Variants in PLXNA2 observed in about 807,000 individuals in gnomAD.
PLXNA2 encodes plexin A2, also known as plexin-A2.
Under a neutral mutation model 193.5 loss-of-function variants are expected in PLXNA2, and 91 were observed. The observed-to-expected ratio is 0.47, with a 90% CI of 0.40 to 0.56. PLXNA2 has a LOEUF of 0.56. PLXNA2 is among the 20% of genes least tolerant of loss of function. PLXNA2 has a pLI of 0.00. For synonymous variants in PLXNA2, 997 were observed against 1,027.3 expected, an observed-to-expected ratio of 0.97 and a Z score of 0.56; for missense variants, 1,995 against 2,503.2, an observed-to-expected ratio of 0.80 and a Z score of 4.33.
chr1:208,107,904 T>G (rs1667326254), intron 4 of PLXNA2, among the ~76,000 whole-genome samples: 1 of 152,084 alleles, frequency 6.6e-6, no homozygotes, highest in African/African-American at 2.4e-5. Context: ...GATTCCACCC[T>G]CATGCTTGAC....
intron 3 of PLXNA2, among the ~76,000 whole-genome samples, chr1:208,209,249 G>T (rs1670845054): frequency 6.6e-6 from 1 of 152,112 alleles, no homozygotes; most frequent in South Asian, 2.1e-4. Flanking sequence ...CAGTAATTCA[G>T]AACAAGCAGA....
chr1:208,180,755 T>C (rs534499627), intron 3 of PLXNA2, among the ~76,000 whole-genome samples: 31 of 152,322 alleles, frequency 2.0e-4, no homozygotes, highest in Middle Eastern at 3.4e-3. Context: ...TCTGAAGTTG[T>C]TGCCCCTCAT....
chr1:208,184,674 G>A (rs753451241), intron 3 of PLXNA2, among the ~76,000 whole-genome samples: 2 of 152,084 alleles, frequency 1.3e-5, no homozygotes, highest in South Asian at 2.1e-4. Context: ...AAAGCCTCCC[G>A]CCCAGCTCAC....
intron 3 of PLXNA2, among the ~76,000 whole-genome samples, chr1:208,151,741 A>G (rs761749544): frequency 2.0e-5 from 3 of 152,254 alleles, no homozygotes; most frequent in Non-Finnish European, 4.4e-5. Flanking sequence ...AGAAAAAGAC[A>G]TGTTAAGTGT....
rs56051287 is a variant in PLXNA2, at chr1:208,152,683, GCACACA to G, written c.1372-10226_1372-10221del. Among the ~76,000 whole-genome samples, 969 of 140,326 alleles carry G rather than the reference GCACACA, an allele frequency of 6.9e-3. 7 individuals are homozygous for G. The highest frequency in any genetic ancestry group is 0.016 in the African/African-American group (573 of 36,860). The allele number at this position is 140,326 out of a possible 152,430, so 92.1% of individuals were successfully genotyped here. ...TGCATACACATACACACACACACAC[GCACACA>G]CACACACACACACACACACACACAC... On this transcript the variant is annotated intron_variant, in intron 3 of 31. Coordinates refer to ENST00000367033, the MANE Select transcript of PLXNA2 (RefSeq NM_025179.4).
chr1:208,139,897 A>G (rs1668412662), intron 4 of PLXNA2, among the ~76,000 whole-genome samples: 1 of 152,146 alleles, frequency 6.6e-6, no homozygotes, highest in Admixed American at 6.5e-5. Flanking sequence ...ACCTATTTCT[A>G]CACAATTTAC....
Position 208,196,848 on chromosome 1 carries a change from G to A in PLXNA2, c.1371+13432C>T, listed in dbSNP as rs567817379. Among the ~76,000 whole-genome samples, 4 of 152,284 alleles carry A rather than the reference G, an allele frequency of 2.6e-5. No homozygotes were observed. In the East Asian group the frequency reaches 7.7e-4, roughly 29 times the overall value. On this transcript the variant is annotated intron_variant, in intron 3 of 31. Transcript: ENST00000367033. Reference sequence around the variant, plus strand: ...GGTATTCAGAAGAATGGGTGGCAAGGGCGGGGGTAGATGTTGGAAAAGAAA... The same window carrying A: ...GGTATTCAGAAGAATGGGTGGCAAGAGCGGGGGTAGATGTTGGAAAAGAAA...
chr1:208,222,795 G>A, intron 1 of PLXNA2, among the ~76,000 whole-genome samples: 1 of 152,126 alleles, frequency 6.6e-6, no homozygotes, highest in East Asian at 1.9e-4. Flanking sequence ...AGAGAATTTA[G>A]ATTTGAAATA....
At chr1:208,095,977 G>T in intron 8 of PLXNA2, 52 bp downstream of exon 8, 1 of 1,374,238 alleles carries the variant, frequency 7.3e-7, no homozygotes, top group Non-Finnish European at 1.0e-6. Flanking sequence ...GGGGAAGAAA[G>T]CCCATACCCA....
rs1664254282 is a variant in PLXNA2, at chr1:208,023,691, G to A, written c.*3552C>T. 1 of 152,346 alleles carries A rather than the reference G, an allele frequency of 6.6e-6. No individual in the cohort carries two copies. The allele number at this position is 152,346 out of a possible 1,614,324, so 9.4% of individuals were successfully genotyped here. A position where few individuals can be genotyped will look rare whatever the true frequency, so the allele number is the denominator to read the frequency against. ...ACAAAACTGGTACCCTGTGCCACTAGGGGAGGAGAACTGTTGCCTGCTAAG... is the reference window on the plus strand; with the variant it reads ...ACAAAACTGGTACCCTGTGCCACTAAGGGAGGAGAACTGTTGCCTGCTAAG... On this transcript the variant is annotated 3_prime_UTR_variant, in exon 32 of 32. Coordinates refer to ENST00000367033, the MANE Select transcript of PLXNA2 (RefSeq NM_025179.4).
chr1:208,047,835 A>G (rs1387516948), intron 17 of PLXNA2, among the ~76,000 whole-genome samples: 1 of 152,270 alleles, frequency 6.6e-6, no homozygotes, highest in Non-Finnish European at 1.5e-5. Context: ...AGGGAATTTA[A>G]GAGTTTAAAC....
At chr1:208,162,913 G>A (rs1669177356) in intron 3 of PLXNA2, among the ~76,000 whole-genome samples, 1 of 152,172 alleles carries the variant, frequency 6.6e-6, no homozygotes, top group Non-Finnish European at 1.5e-5. Flanking sequence ...TCACATACAA[G>A]GCTGACTCTG....
intron 2 of PLXNA2, among the ~76,000 whole-genome samples, chr1:208,214,569 G>A (rs1307449867): frequency 6.6e-6 from 1 of 152,152 alleles, no homozygotes; most frequent in African/African-American, 2.4e-5. Context: ...CCAACGGCAG[G>A]CACCTTCAAT....
chr1:208,192,325 T>G (rs959141021), intron 3 of PLXNA2, among the ~76,000 whole-genome samples: 5 of 151,874 alleles, frequency 3.3e-5, no homozygotes, highest in Non-Finnish European at 5.9e-5. Context: ...TGTGTGTGTG[T>G]GTGTGTGCAC....
Position 208,217,434 on chromosome 1 carries a change from G to A in PLXNA2, c.489C>T (p.Asn163=). Residue 163 remains asparagine (N), a synonymous_variant, in exon 2 of 32, where the codon AAC becomes AAT. Transcript: ENST00000367033. This position sits in a 1 kb window ranked among gnomAD's most constrained non-coding sequence, Gnocchi z 4.7. ...TCACCCCGTACATGGTGCCCGTCTT[G>A]TTGACACTGGACAGGTAGTGCTCCT... is the stretch of plus-strand genomic sequence containing the variant. The part of the protein sequence containing the change: ...HKKEHYLSSV[N]KTGTMYGVIV... 6.8e-6 allele frequency: 11 copies of A among 1,614,184 alleles called. No individual in the cohort carries two copies. The highest frequency in any genetic ancestry group is 9.3e-6 in the Non-Finnish European group (11 of 1,180,032).
chr1:208,215,644 T>C (rs1003402282), intron 2 of PLXNA2, among the ~76,000 whole-genome samples: 2 of 151,242 alleles, frequency 1.3e-5, no homozygotes, highest in Non-Finnish European at 3.0e-5. Flanking sequence ...GATGGATGGA[T>C]GGATGGATGG....
At chr1:208,030,939 G>A (rs1029777135) in intron 29 of PLXNA2, 35 of 986,302 alleles carry the variant, frequency 3.5e-5, no homozygotes, top group Non-Finnish European at 4.2e-5. Context: ...CCCACTGCTG[G>A]TCTGGTTGCA....
intron 13 of PLXNA2, among the ~76,000 whole-genome samples, chr1:208,060,023 T>C (rs1400193661): frequency 6.6e-6 from 1 of 152,174 alleles, no homozygotes; most frequent in East Asian, 1.9e-4. Context: ...TGATAAATCA[T>C]GCAGAATGAT....
At chr1:208,214,947 C>T (rs558198405) in intron 2 of PLXNA2, among the ~76,000 whole-genome samples, 24 of 152,092 alleles carry the variant, frequency 1.6e-4, no homozygotes, top group African/African-American at 5.5e-4. Flanking sequence ...GTCTCTAGCT[C>T]TCTCTCTCTT....
Sources: gnomAD v4.1 joint callset for allele counts (sites outside exome capture counted in the v4.1 genomes callset) on GRCh38, gnomAD v4.1.1 for gene constraint, Gnocchi (gnomAD v3.1) non-coding constraint, MANE v1.5 for transcripts, NCBI Gene and HGNC (gene_info 2026-07-23, HGNC 2026-07-21) for gene names.